The following ALS2 variants were observed in gnomAD, a reference collection of about 807,000 sequenced individuals.
ALS2 encodes the protein alsin Rho guanine nucleotide exchange factor ALS2, also known as alsin.
In ALS2, 117 loss-of-function variants were observed where a neutral mutation model predicts 203.4. The ratio of observed to expected loss-of-function variants is 0.58; its 90% CI spans 0.50 to 0.67. The LOEUF is 0.67. ALS2 is among the 30% of genes least tolerant of loss of function. The pLI is 0.00. For synonymous variants in ALS2, 718 were observed against 725.9 expected (o/e 0.99, Z 0.17); for missense variants, 1,715 against 1,989.4 (o/e 0.86, Z 2.62).
chr2:201,724,267 C>G (rs547791857), intron 21 of ALS2, 28 bp downstream of exon 21: 16 of 1,603,926 alleles, frequency 1.0e-5, no homozygotes, highest in Admixed American at 1.7e-5. Flanking sequence ...TTGGCTTAAA[C>G]TGTGGGAATA....
At chr2:201,708,552 C>T (rs1689862708) in intron 27 of ALS2, among the ~76,000 whole-genome samples, 1 of 152,180 alleles carries the variant, frequency 6.6e-6, no homozygotes, top group Non-Finnish European at 1.5e-5. Flanking sequence ...CCCTCCCACA[C>T]ACACTCCCCG....
In ALS2 at chr2:201,723,034, GT is replaced by G; in HGVS notation, c.3702+8del. The G allele has an allele frequency of 1.3e-6, 2 of 1,593,634 alleles. No individual in the cohort carries two copies. Among genetic ancestry groups the G allele is most frequent in the Non-Finnish European group, 1.7e-6 (2 of 1,167,782 alleles). ...TTAGGGAGAAAAAAAAAGAAAGCTAGTTTCCAACCTTTCCACTAAGAGTCCA... is the reference window on the plus strand; with the variant it reads ...TTAGGGAGAAAAAAAAAGAAAGCTAGTTCCAACCTTTCCACTAAGAGTCCA... On this transcript the variant is annotated splice_region_variant and intron_variant, in intron 23 of 33. Transcript: ENST00000264276.
chr2:201,745,357 C>A (rs1325689861), intron 9 of ALS2, among the ~76,000 whole-genome samples: 1 of 151,982 alleles, frequency 6.6e-6, no homozygotes, highest in African/African-American at 2.4e-5. Context: ...CCCAATGTTA[C>A]CTTTAGCAAG....
At chr2:201,763,578 GT>G in intron 3 of ALS2, 2 of 282,204 alleles carry the variant, frequency 7.1e-6, no homozygotes, top group East Asian at 7.2e-5. Context: ...ACAACATAGG[GT>G]TTTTATACAA....
At chr2:201,727,864 A>C in intron 15 of ALS2, 89 bp from the exon 16 acceptor site, 1 of 1,235,556 alleles carries the variant, frequency 8.1e-7, no homozygotes, top group Non-Finnish European at 1.2e-6. Flanking sequence ...ATTAACCCAC[A>C]TGGGCCTTGC....
intron 25 of ALS2, among the ~76,000 whole-genome samples, chr2:201,713,133 C>CTTTTCTTTTTTTTT (rs1279654897): frequency 1.0e-5 from 1 of 96,256 alleles, no homozygotes; most frequent in Admixed American, 1.4e-4. Context: ...CTTTTCTTTT[C>CTTTTCTTTTTTTTT]TTTTTTTTTT....
At position 201,706,980 on chromosome 2, in the gene ALS2, T is replaced by A. The variant is rs1373302213; in HGVS notation, c.4446A>T (p.Leu1482=). 1 of 1,613,826 alleles carries A rather than the reference T, an allele frequency of 6.2e-7. No individual in the cohort carries two copies. The highest frequency in any genetic ancestry group is 1.7e-5 in the Admixed American group (1 of 59,988). ...TAAACAGCGGTGGGTAGAGCCGAGG[T>A]AGCAGCACAGGAAGCAATAATCCAG... is the stretch of plus-strand genomic sequence containing the variant. ...TSSGLLLPVL[L]PRLYPPLFML... Residue 1482 remains leucine (L), a synonymous_variant, in exon 29 of 34, where the codon CTA becomes CTT. Coordinates refer to ENST00000264276, the MANE Select transcript of ALS2 (RefSeq NM_020919.4).
intron 15 of ALS2, among the ~76,000 whole-genome samples, chr2:201,728,210 A>G (rs1160837363): frequency 2.6e-5 from 4 of 152,044 alleles, no homozygotes; most frequent in African/African-American, 9.7e-5. Context: ...CTCGTCACTT[A>G]CATTAGGTGT....
chr2:201,756,857 AGATGCTGCT>A (rs920531509), intron 5 of ALS2, among the ~76,000 whole-genome samples: 4 of 152,178 alleles, frequency 2.6e-5, no homozygotes, highest in African/African-American at 9.7e-5. Context: ...ACAAGTTCCC[AGATGCTGCT>A]GATGCTGCTG....
chr2:201,742,420 T>C (rs75863273), intron 10 of ALS2, among the ~76,000 whole-genome samples: 1 of 152,310 alleles, frequency 6.6e-6, no homozygotes, highest in East Asian at 1.9e-4. Flanking sequence ...AGGATATTAT[T>C]TGCTTTTTGC....
rs1204586269 is a variant in ALS2, at chr2:201,727,779, A to G, written c.2842-4T>C. 3 of 1,551,688 alleles carry G rather than the reference A, an allele frequency of 1.9e-6. No homozygotes were observed. The highest frequency in any genetic ancestry group is 2.7e-5 in the African/African-American group (2 of 73,164). On this transcript the variant is annotated splice_region_variant and splice_polypyrimidine_tract_variant and intron_variant, in intron 15 of 33. Coordinates refer to ENST00000264276, the MANE Select transcript of ALS2 (RefSeq NM_020919.4). ...GGAAAACATGGTGCGTGGAGAACTG[A>G]AACAGAGAACACGGAGGCACTTTTA...
At chr2:201,753,334 T>G in intron 6 of ALS2, 92 bp from the exon 7 acceptor site, 2 of 970,262 alleles carry the variant, frequency 2.1e-6, no homozygotes, top group Non-Finnish European at 3.3e-6. Context: ...CGTGTAAAAA[T>G]AAACATTTCT....
intron 16 of ALS2, 48 bp downstream of exon 16, chr2:201,727,657 G>T (rs1405143491): frequency 7.3e-6 from 11 of 1,501,514 alleles, no homozygotes; most frequent in Non-Finnish European, 9.1e-6. Flanking sequence ...GAAGCAACCT[G>T]GGTAACAGAC....
intron 13 of ALS2, 41 bp from the exon 14 acceptor site, chr2:201,729,224 A>T: frequency 6.2e-7 from 1 of 1,600,704 alleles, no homozygotes; most frequent in Non-Finnish European, 8.5e-7. Flanking sequence ...AAAAAAGAAC[A>T]TAAAACCATT....
chr2:201,729,879 C>CAAAA (rs35065446), intron 13 of ALS2, among the ~76,000 whole-genome samples: 39 of 75,192 alleles, frequency 5.2e-4, no homozygotes, highest in Admixed American at 9.4e-4. Flanking sequence ...GACTCCGTCT[C>CAAAA]AAAAAAAAAA....
intron 9 of ALS2, among the ~76,000 whole-genome samples, chr2:201,745,392 T>G (rs1377162223): frequency 4.6e-5 from 7 of 151,880 alleles, no homozygotes; most frequent in Non-Finnish European, 1.0e-4. Context: ...CACACATTCA[T>G]AACTTACTAG....
intron 7 of ALS2, among the ~76,000 whole-genome samples, chr2:201,752,074 T>C (rs1173017651): frequency 6.6e-6 from 1 of 152,188 alleles, no homozygotes; most frequent in Non-Finnish European, 1.5e-5. Flanking sequence ...TCTGAAGTAA[T>C]TTTGGGATTA....
chr2:201,754,660 G>C lies in ALS2; in HGVS notation c.1483C>G (p.Leu495Val), dbSNP rs371171182. 23 of 1,614,008 alleles carry C rather than the reference G, an allele frequency of 1.4e-5. No individual in the cohort carries two copies. The highest frequency in any genetic ancestry group is 1.8e-5 in the Non-Finnish European group (21 of 1,180,002). ...TTCACCCGTGCAGCCTTTCTTAAGA[G>C]CCTGGGGGAAACTGAAAACCAACCA... ...PGLLSQVSPRLLRKAARVKTR... is the reference protein window; with the variant it reads ...PGLLSQVSPRVLRKAARVKTR... The change falls in exon 6 of 34, where the codon CTC becomes GTC. Residue 495 changes from leucine to valine, a missense_variant. By Grantham distance (32) the Leu-to-Val change is conservative. This residue lies in a region of ALS2 where 1,227 missense variants were observed against 1,413.5 expected (regional missense o/e 0.87). Transcript: ENST00000264276.
intron 8 of ALS2, among the ~76,000 whole-genome samples, chr2:201,747,567 C>T (rs1160729822): frequency 6.6e-6 from 1 of 151,206 alleles, no homozygotes; most frequent in Admixed American, 6.6e-5. Flanking sequence ...TCTCCTGCCT[C>T]AGCCTCCCGA....
Sources: allele counts gnomAD v4.1 joint callset (sites outside exome capture counted in the v4.1 genomes callset), GRCh38; gene constraint gnomAD v4.1.1; regional missense constraint gnomAD v4.1.1; transcripts MANE v1.5; gene names NCBI Gene and HGNC (gene_info 2026-07-23, HGNC 2026-07-21).